The following KNTC1 variants were observed in gnomAD, a reference collection of about 807,000 sequenced individuals.
KNTC1 encodes the protein kinetochore associated 1.
Under a neutral mutation model 314.4 loss-of-function variants are expected in KNTC1, and 253 were observed. That is an observed-to-expected ratio of 0.80 (90% CI 0.73 to 0.89). The LOEUF is 0.89. Among genes scored for constraint, KNTC1 ranks in the 40% least tolerant of loss-of-function variants. KNTC1 has a pLI of 0.00. For synonymous variants in KNTC1, 901 were observed against 901.4 expected (o/e 1.00, Z 0.01); for missense variants, 2,475 against 2,572.9 (o/e 0.96, Z 0.82).
chr12:122,566,694 C>T (rs141994694), intron 20 of KNTC1, among the ~76,000 whole-genome samples: 1 of 152,040 alleles, frequency 6.6e-6, no homozygotes, highest in African/African-American at 2.4e-5. Context: ...CAGGAGTGAG[C>T]CACTGCACCC....
intron 1 of KNTC1, among the ~76,000 whole-genome samples, chr12:122,528,907 A>G (rs1355274865): frequency 6.6e-6 from 1 of 152,072 alleles, no homozygotes; most frequent in Non-Finnish European, 1.5e-5. Context: ...AAGTGGCACG[A>G]TCTCGACTTA....
intron 32 of KNTC1, 21 bp downstream of exon 32, chr12:122,579,998 C>G: frequency 6.5e-7 from 1 of 1,527,966 alleles, no homozygotes; most frequent in Non-Finnish European, 9.1e-7. Context: ...CTTCTGTTTT[C>G]TCATCTCAGT....
At position 122,605,351 on chromosome 12, in the gene KNTC1, AT is replaced by A; in HGVS notation, c.5435del (p.Leu1812TrpfsTer65). 1 of 1,606,512 alleles carries A rather than the reference AT, an allele frequency of 6.2e-7. No homozygotes were observed. Among genetic ancestry groups the A allele is most frequent in the Non-Finnish European group, 8.5e-7 (1 of 1,176,288 alleles). ...GAAATAGCCGAAGTCAATGAAATTAATTTGGAAAAAGTCTGGGACATGTTGT... is the reference window on the plus strand; with the variant it reads ...GAAATAGCCGAAGTCAATGAAATTAATTGGAAAAAGTCTGGGACATGTTGT... ...AKEIAEVNEI[N>X]LEKVWDMLLE... is the part of the protein sequence containing the mutation. On this transcript the variant is annotated frameshift_variant, in exon 51 of 64. Coordinates refer to ENST00000333479, the MANE Select transcript of KNTC1 (RefSeq NM_014708.6). LOFTEE classifies it high-confidence loss of function.
intron 19 of KNTC1, among the ~76,000 whole-genome samples, 183 bp from the exon 20 acceptor site, chr12:122,562,439 TTGTGTGTGTGTGTGTG>T (rs4039211): frequency 0.016 from 2,335 of 145,036 alleles, 30 homozygotes; most frequent in Middle Eastern, 0.031. Context: ...ATCCCATGTT[TTGTGTGTGTGTGTGTG>T]TGTGTGTGTG....
chr12:122,543,783 A>G (rs1037248961), intron 7 of KNTC1, 149 bp downstream of exon 7: 5 of 609,224 alleles, frequency 8.2e-6, no homozygotes, highest in Admixed American at 7.0e-5. Context: ...TTAAAAATAC[A>G]TTTATGCCCG....
intron 52 of KNTC1, among the ~76,000 whole-genome samples, chr12:122,610,224 A>G (rs1459935527): frequency 2.0e-5 from 3 of 152,202 alleles, no homozygotes; most frequent in African/African-American, 7.2e-5. Context: ...TTGTTCAAAC[A>G]AGAAGTAGCT....
intron 55 of KNTC1, 57 bp downstream of exon 55, chr12:122,613,818 A>T: frequency 6.7e-7 from 1 of 1,490,164 alleles, no homozygotes; most frequent in African/African-American, 1.4e-5. Flanking sequence ...GAATCCTGAA[A>T]GAGAAAACCA....
rs1185542643 is a variant in KNTC1 at position 122,580,632 on chromosome 12, G to T, written c.2944G>T (p.Glu982Ter). 6.4e-7 allele frequency: 1 copy of T among 1,573,396 alleles called. No individual in the cohort carries two copies. Among genetic ancestry groups the T allele is most frequent in the Non-Finnish European group, 8.6e-7 (1 of 1,157,896 alleles). ...TCTGCAGAAGAAGGACGAATGTGAA[G>T]AAATGTTGAAACTATTTAAAGAGGT... ...DNLQKKDECE[E>*]MLKLFKEVAS... The change falls in exon 33 of 64, where the codon GAA (glutamate) becomes TAA (stop). Residue 982 changes from glutamate to a stop codon, truncating the protein, a stop_gained. Transcript: ENST00000333479. LOFTEE classifies it high-confidence loss of function.
At chr12:122,588,921 T>A (rs1367358676) in intron 40 of KNTC1, 105 bp downstream of exon 40, 1 of 603,638 alleles carries the variant, frequency 1.7e-6, no homozygotes, top group Non-Finnish European at 2.7e-6. Context: ...AGTAGTATTT[T>A]ACTATTCAAA....
chr12:122,615,069 C>T lies in KNTC1; in HGVS notation c.5956C>T (p.Leu1986Phe), dbSNP rs574096690. ...LQLWNGLLQK[L>F]LGFNMIPYLR... Reference sequence around the variant, plus strand: ...GCTTTGGAATGGACTCTTGCAAAAGCTTCTGGGCTTCAATATGGTAAGTAA... The same window carrying T: ...GCTTTGGAATGGACTCTTGCAAAAGTTTCTGGGCTTCAATATGGTAAGTAA... The change falls in exon 56 of 64, where the codon CTT (leucine) becomes TTT (phenylalanine). Residue 1986 changes from leucine (L) to phenylalanine (F), a missense_variant. By Grantham distance (22) the Leu-to-Phe change is conservative. Coordinates refer to ENST00000333479, the MANE Select transcript of KNTC1 (RefSeq NM_014708.6). 6.8e-5 allele frequency: 109 copies of T among 1,611,996 alleles called. 1 individual carries two copies. Among genetic ancestry groups the T allele is most frequent in the South Asian group, 4.4e-4 (40 of 90,754 alleles).
At chr12:122,588,398 A>G (rs991318587) in intron 39 of KNTC1, among the ~76,000 whole-genome samples, 5 of 152,216 alleles carry the variant, frequency 3.3e-5, no homozygotes, top group African/African-American at 9.6e-5. Flanking sequence ...CTCTGTTGAT[A>G]TGTATTAAAT....
chr12:122,544,396 G>A lies in KNTC1; in HGVS notation c.669+127G>A, dbSNP rs1362875681. ...CGAAACAAGGAAATTATAAAATTAA[G>A]GTAATTAAAAATAACTCAATAAATA... On this transcript the variant is annotated intron_variant, in intron 8 of 63. Transcript: ENST00000333479. 5 of 541,538 alleles carry A rather than the reference G, an allele frequency of 9.2e-6. 1 individual carries two copies. The highest frequency in any genetic ancestry group is 1.6e-5 in the Non-Finnish European group (5 of 309,872). The allele number at this position is 541,538 out of a possible 1,614,324, so 33.5% of individuals were successfully genotyped here. A position where few individuals can be genotyped will look rare whatever the true frequency, so the allele number is the denominator to read the frequency against.
chr12:122,612,840 C>T, intron 53 of KNTC1: 1 of 325,336 alleles, frequency 3.1e-6, no homozygotes, highest in African/African-American at 2.1e-5. Context: ...ACAGTCAGTG[C>T]AAATATCAAC....
rs1339405745 is a variant in KNTC1 at position 122,547,512 on chromosome 12, C to T, written c.914C>T (p.Ser305Phe). ...TTTCTTCTTACTACAGAAGCAGACT[C>T]TCCTTCATCAGTCACGTGGTATGTT... ...EEFLLTTEAD[S>F]PSSVTWQGIT... is the part of the protein sequence containing the mutation. The change falls in exon 11 of 64, where the codon TCT becomes TTT. Residue 305 changes from serine to phenylalanine, a missense_variant. Ser to Phe is a radical substitution (Grantham distance 155). Coordinates refer to ENST00000333479, the MANE Select transcript of KNTC1 (RefSeq NM_014708.6). 3 of 1,603,872 alleles carry T rather than the reference C, an allele frequency of 1.9e-6. No individual in the cohort carries two copies. Among genetic ancestry groups the T allele is most frequent in the African/African-American group, 1.3e-5 (1 of 74,762 alleles).
rs1379191961 is a variant in KNTC1, at chr12:122,591,365, C to T, written c.4157C>T (p.Ala1386Val). The change falls in exon 42 of 64, where the codon GCA becomes GTA. Residue 1386 changes from alanine (A) to valine (V), a missense_variant. Ala to Val is a moderately conservative substitution (Grantham distance 64). Coordinates refer to ENST00000333479, the MANE Select transcript of KNTC1 (RefSeq NM_014708.6). ...LAISLVGSELASLYQEIEMGL... is the reference protein window; with the variant it reads ...LAISLVGSELVSLYQEIEMGL... ...ATATCTCTGGTGGGCTCTGAGCTGG[C>T]AAGTCTCTATCAGGAAATAGAAATG... 5.6e-6 allele frequency: 9 copies of T among 1,609,478 alleles called. No homozygotes were observed. The highest frequency in any genetic ancestry group is 5.0e-5 in the Admixed American group (3 of 59,918).
Position 122,587,749 on chromosome 12 carries a change from G to T in KNTC1, c.3769G>T (p.Ala1257Ser), listed in dbSNP as rs577881416. ...TTTACCTGTTATAAATTCCATCTCT[G>T]CCCTGCTTCAGAATCTTCAGGAATC... ...LVLPVINSIS[A>S]LLQNLQESSQ... Residue 1257 changes from alanine (A) to serine (S), a missense_variant, in exon 39 of 64, where the codon GCC (alanine) becomes TCC (serine). Physicochemically the swap from Ala to Ser is moderately conservative, Grantham distance 99. Coordinates refer to ENST00000333479, the MANE Select transcript of KNTC1 (RefSeq NM_014708.6). The T allele has an allele frequency of 3.7e-6, 6 of 1,613,720 alleles. No individual in the cohort carries two copies. In the South Asian group the frequency reaches 5.5e-5, roughly 15 times the overall value.
intron 40 of KNTC1, among the ~76,000 whole-genome samples, chr12:122,589,776 ATTTTTTTTTTTT>A (rs375169727): frequency 5.3e-5 from 5 of 94,594 alleles, no homozygotes; most frequent in African/African-American, 2.2e-4. Context: ...GGGCCCCCCA[ATTTTTTTTTTTT>A]TTTTTTTTTT....
intron 18 of KNTC1, among the ~76,000 whole-genome samples, chr12:122,561,053 T>C (rs1963933997): frequency 6.6e-6 from 1 of 152,202 alleles, no homozygotes; most frequent in Admixed American, 6.5e-5. Flanking sequence ...GGCTCATGCC[T>C]ATAATCCTAG....
intron 16 of KNTC1, among the ~76,000 whole-genome samples, chr12:122,554,079 ATAT>A (rs1963407672): frequency 4.2e-5 from 5 of 118,330 alleles, no homozygotes; most frequent in African/African-American, 2.1e-4. Context: ...AAAAAAAAAT[ATAT>A]ATATATATAT....
Sources: allele counts gnomAD v4.1 joint callset (sites outside exome capture counted in the v4.1 genomes callset), GRCh38; gene constraint gnomAD v4.1.1; transcripts MANE v1.5; gene names NCBI Gene and HGNC (gene_info 2026-07-23, HGNC 2026-07-21).